BCAR3: variants seen among roughly 807,000 people sequenced by gnomAD.
The protein encoded by BCAR3 is BCAR3 adaptor protein, NSP family member.
BCAR3 carries 37 observed loss-of-function variants against 80.1 expected under a neutral mutation model. The ratio of observed to expected loss-of-function variants is 0.46; its 90% CI spans 0.36 to 0.61. BCAR3 has a LOEUF of 0.61. Ranked by LOEUF, BCAR3 falls within the 20% of genes least tolerant of loss-of-function variation. The pLI, the probability that BCAR3 is intolerant of heterozygous loss-of-function variation, is 0.00. For synonymous variants in BCAR3, 389 were observed against 418.9 expected, an observed-to-expected ratio of 0.93 and a Z score of 0.87; for missense variants, 978 against 1,068.2, an observed-to-expected ratio of 0.92 and a Z score of 1.18.
At chr1:93,618,978 C>T (rs868846283) in intron 3 of BCAR3, among the ~76,000 whole-genome samples, 4 of 143,894 alleles carry the variant, frequency 2.8e-5, no homozygotes, top group South Asian at 4.5e-4. Flanking sequence ...CTCGCTCTGT[C>T]GCCAGGCTGG....
intron 3 of BCAR3, among the ~76,000 whole-genome samples, chr1:93,634,866 G>C (rs754464037): frequency 1.3e-5 from 2 of 152,104 alleles, no homozygotes; most frequent in African/African-American, 4.8e-5. Context: ...TTTGTAAATT[G>C]CCCAGTCTCG....
At chr1:93,711,457 G>C (rs551083285) in intron 2 of BCAR3, among the ~76,000 whole-genome samples, 23 of 152,226 alleles carry the variant, frequency 1.5e-4, no homozygotes, top group Admixed American at 5.9e-4. Context: ...TCAAGAATGA[G>C]AATGGATAGG....
chr1:93,789,078 C>G (rs1483114247), intron 2 of BCAR3, among the ~76,000 whole-genome samples: 2 of 152,042 alleles, frequency 1.3e-5, no homozygotes, highest in East Asian at 3.9e-4. Context: ...TCACTATAAC[C>G]TCTTACTCCT....
rs575760755 is a variant in BCAR3 at position 93,661,025 on chromosome 1, C to T, written c.317+13589G>A. Among the ~76,000 whole-genome samples the T allele has an allele frequency of 5.3e-5, 8 of 151,996 alleles. No individual in the cohort carries two copies. The East Asian group carries it at 5.8e-4, about 11-fold the overall frequency. The stretch of plus-strand genomic sequence containing the variant: ...CCAAATAGCTGGGATTACAGGCACC[C>T]GCCACCATGCCTGGCTAATTTCTTT... On this transcript the variant is annotated intron_variant, in intron 2 of 11. Coordinates refer to ENST00000260502, the MANE Select transcript of BCAR3 (RefSeq NM_003567.4).
At chr1:93,590,961 A>C (rs1180714320) in intron 4 of BCAR3, among the ~76,000 whole-genome samples, 2 of 152,134 alleles carry the variant, frequency 1.3e-5, no homozygotes. Context: ...GTACAATCTC[A>C]TACTTGATTT....
Position 93,571,694 on chromosome 1 carries a change from G to T in BCAR3, c.1950C>A (p.Leu650=). 1 of 1,614,162 alleles carries T rather than the reference G, an allele frequency of 6.2e-7. No homozygotes were observed. The highest frequency in any genetic ancestry group is 1.1e-5 in the South Asian group (1 of 91,078). The change falls in exon 9 of 12, where the codon CTC becomes CTA. Residue 650 remains leucine (L), a synonymous_variant. Coordinates refer to ENST00000260502, the MANE Select transcript of BCAR3 (RefSeq NM_003567.4). ...CCTGTGGCATTTCCAGGGCTTTCATGAGAGCTGAGAAGGAATAGAGGTCCC... is the reference window on the plus strand; with the variant it reads ...CCTGTGGCATTTCCAGGGCTTTCATTAGAGCTGAGAAGGAATAGAGGTCCC... The part of the protein sequence containing the change: ...SMGDLYSFSA[L]MKALEMPQIT...
At chr1:93,568,707 TC>T (rs1216367348) in intron 9 of BCAR3, among the ~76,000 whole-genome samples, 24 of 152,310 alleles carry the variant, frequency 1.6e-4, no homozygotes, top group African/African-American at 5.5e-4. Context: ...CCACACCCAT[TC>T]CTTGCCTCAA....
intron 3 of BCAR3, among the ~76,000 whole-genome samples, chr1:93,638,181 G>A (rs777255020): frequency 3.9e-5 from 6 of 152,140 alleles, no homozygotes; most frequent in Non-Finnish European, 5.9e-5. Flanking sequence ...CCTGAGAGGC[G>A]GAGGTTGCAG....
chr1:93,716,679 C>T (rs966628602), intron 2 of BCAR3, among the ~76,000 whole-genome samples: 1 of 152,198 alleles, frequency 6.6e-6, no homozygotes, highest in Non-Finnish European at 1.5e-5. Flanking sequence ...CAGGTGACCA[C>T]CATAGGAAAC....
chr1:93,661,577 T>G (rs138709738), intron 2 of BCAR3, among the ~76,000 whole-genome samples: 1 of 151,562 alleles, frequency 6.6e-6, no homozygotes, highest in East Asian at 2.0e-4. Context: ...AACCTCTGCC[T>G]CCCGAGCTCC....
chr1:93,650,993 A>C (rs2101919418), intron 2 of BCAR3, among the ~76,000 whole-genome samples: 1 of 152,354 alleles, frequency 6.6e-6, no homozygotes, highest in South Asian at 2.1e-4. Context: ...GCACATCTGG[A>C]ATATTCACTT....
chr1:93,761,458 A>G (rs1000851748), intron 2 of BCAR3, among the ~76,000 whole-genome samples: 1 of 152,030 alleles, frequency 6.6e-6, no homozygotes, highest in Non-Finnish European at 1.5e-5. Context: ...ACCAAAGGAC[A>G]CTCCAGCTCA....
chr1:93,828,937 C>T (rs1248462718), intron 2 of BCAR3, among the ~76,000 whole-genome samples: 1 of 152,118 alleles, frequency 6.6e-6, no homozygotes. Context: ...AGTGATCCAT[C>T]CACCTGTGAA....
In BCAR3 at chr1:93,659,723, T is replaced by TA. The variant is rs532811120; in HGVS notation, c.317+14890dup. On this transcript the variant is annotated intron_variant, in intron 2 of 11. Transcript: ENST00000260502. ...AGCCTAATCTCCTCACCTTGCTCCT[T>TA]ACACTCCAGCAAATTTAACTACTTG... Among the ~76,000 whole-genome samples, 44 of 152,144 alleles carry TA rather than the reference T, an allele frequency of 2.9e-4. 1 individual carries two copies. In the East Asian group the frequency reaches 7.9e-3, roughly 27 times the overall value.
intron 3 of BCAR3, among the ~76,000 whole-genome samples, chr1:93,615,833 C>CT (rs35622962): frequency 6.6e-6 from 1 of 152,132 alleles, no homozygotes; most frequent in African/African-American, 2.4e-5. Context: ...TGGTATTCTC[C>CT]TTGGAGAGCA....
chr1:93,729,464 A>G (rs1426035401), intron 2 of BCAR3, among the ~76,000 whole-genome samples: 1 of 152,226 alleles, frequency 6.6e-6, no homozygotes, highest in African/African-American at 2.4e-5. Flanking sequence ...TTGCACTGTC[A>G]AGAAGCCTAA....
intron 2 of BCAR3, among the ~76,000 whole-genome samples, chr1:93,643,728 TATAGGTA>T (rs1388465648): frequency 6.6e-6 from 1 of 152,066 alleles, no homozygotes; most frequent in African/African-American, 2.4e-5. Context: ...ACATGAGGAC[TATAGGTA>T]ATACAATTGT....
Position 93,567,810 on chromosome 1 carries a change from C to T in BCAR3, c.2016G>A (p.Gln672=), listed in dbSNP as rs1673020384. 2 of 1,614,118 alleles carry T rather than the reference C, an allele frequency of 1.2e-6. No individual in the cohort carries two copies. Among genetic ancestry groups the T allele is most frequent in the Admixed American group, 1.7e-5 (1 of 60,016 alleles). ...LEKTWTALRH[Q]YTQTAILYEK... is the part of the protein sequence containing the mutation. ...CATAGAGAATGGCAGTTTGGGTGTA[C>T]TGGTGCCGCAGAGCAGTCCACGTCT... The change falls in exon 10 of 12, where the codon CAG becomes CAA. Residue 672 remains glutamine, a synonymous_variant. Transcript: ENST00000260502.
At chr1:93,823,600 G>A (rs1329106779) in intron 2 of BCAR3, among the ~76,000 whole-genome samples, 1 of 135,330 alleles carries the variant, frequency 7.4e-6, no homozygotes, top group African/African-American at 2.5e-5. Flanking sequence ...TACTGTTGCT[G>A]TCAGAGAAGA....
Sources: allele counts gnomAD v4.1 joint callset (sites outside exome capture counted in the v4.1 genomes callset), GRCh38; gene constraint gnomAD v4.1.1; transcripts MANE v1.5; gene names NCBI Gene and HGNC (gene_info 2026-07-23, HGNC 2026-07-21).